Variants in CTDSPL2 observed in about 807,000 individuals in gnomAD.
CTDSPL2 encodes CTD small phosphatase like 2, also known as CTD small phosphatase-like protein 2.
Under a neutral mutation model 60.0 loss-of-function variants are expected in CTDSPL2, and 5 were observed. The ratio of observed to expected loss-of-function variants is 0.08; its 90% confidence interval spans 0.04 to 0.18. CTDSPL2 has a LOEUF of 0.18. Among genes scored for constraint, CTDSPL2 ranks in the 10% least tolerant of loss-of-function variants. The pLI, the probability that CTDSPL2 is intolerant of heterozygous loss-of-function variation, is 1.00. For synonymous variants in CTDSPL2, 186 were observed against 189.3 expected, an observed-to-expected ratio of 0.98 and a Z score of 0.14; for missense variants, 370 against 548.8, an observed-to-expected ratio of 0.67 and a Z score of 3.26.
At chr15:44,442,884 G>A (rs1451238148) in intron 1 of CTDSPL2, among the ~76,000 whole-genome samples, 3 of 152,064 alleles carry the variant, frequency 2.0e-5, no homozygotes, top group East Asian at 3.9e-4. Context: ...GCTGAGGTGC[G>A]AAGATCGCTT....
intron 2 of CTDSPL2, among the ~76,000 whole-genome samples, chr15:44,470,160 C>CT (rs1313047866): frequency 6.8e-6 from 1 of 146,808 alleles, no homozygotes; most frequent in Non-Finnish European, 1.5e-5. Flanking sequence ...TTTTCATGTA[C>CT]TTGTTTTATT....
chr15:44,521,830 C>G (rs1256485232), intron 12 of CTDSPL2, among the ~76,000 whole-genome samples: 1 of 141,030 alleles, frequency 7.1e-6, no homozygotes, highest in African/African-American at 2.6e-5. Flanking sequence ...CCCAGCTACT[C>G]GGGAGGCTGA....
chr15:44,484,477 G>A, intron 3 of CTDSPL2, 115 bp downstream of exon 3: 3 of 982,932 alleles, frequency 3.1e-6, no homozygotes, highest in Non-Finnish European at 4.5e-6. Flanking sequence ...GCTCATGCCT[G>A]TAATCCTCAC....
At chr15:44,435,663 G>C (rs930037227) in intron 1 of CTDSPL2, among the ~76,000 whole-genome samples, 3 of 145,442 alleles carry the variant, frequency 2.1e-5, no homozygotes, top group African/African-American at 7.6e-5. Flanking sequence ...CTGGAGCGCA[G>C]TGGCGCAATC....
At chr15:44,510,021 C>G (rs1314929505) in intron 8 of CTDSPL2, among the ~76,000 whole-genome samples, 1 of 151,332 alleles carries the variant, frequency 6.6e-6, no homozygotes, top group Non-Finnish European at 1.5e-5. Flanking sequence ...GAGTCTCACT[C>G]TGTTGCCCAG....
At chr15:44,504,464 C>T (rs1323229506) in intron 8 of CTDSPL2, among the ~76,000 whole-genome samples, 1 of 152,148 alleles carries the variant, frequency 6.6e-6, no homozygotes, top group Non-Finnish European at 1.5e-5. Flanking sequence ...AGAAACCAAT[C>T]ATTTAAATTT....
In CTDSPL2 at chr15:44,525,635, CAATT is replaced by C. The variant is rs780317481; in HGVS notation, c.*1466_*1469del. ...GACAACTGATAATTGAGGAGTATGTCAATTAATTTTTTATGTATATTACCTGTTT... is the reference window on the plus strand; with the variant it reads ...GACAACTGATAATTGAGGAGTATGTCAATTTTTTATGTATATTACCTGTTT... On this transcript the variant is annotated 3_prime_UTR_variant, in exon 13 of 13. Transcript: ENST00000260327. 2.8e-4 allele frequency: 111 copies of C among 396,012 alleles called. 1 individual carries two copies. The highest frequency in any genetic ancestry group is 4.5e-4 in the Non-Finnish European group (102 of 224,498). 24.5% of individuals were successfully genotyped at this position (396,012 alleles called of 1,614,324 possible). A position where few individuals can be genotyped will look rare whatever the true frequency, so the allele number is the denominator to read the frequency against.
In CTDSPL2 at chr15:44,484,270, T is replaced by C. The variant is rs1044798616; in HGVS notation, c.233T>C (p.Ile78Thr). 5 of 1,611,606 alleles carry C rather than the reference T, an allele frequency of 3.1e-6. No individual in the cohort carries two copies. Among genetic ancestry groups the C allele is most frequent in the African/African-American group, 1.3e-5 (1 of 74,906 alleles). Residue 78 changes from isoleucine to threonine, a missense_variant, in exon 3 of 13, where the codon ATA becomes ACA. Physicochemically the swap from Ile to Thr is moderately conservative, Grantham distance 89. Transcript: ENST00000260327. Reference protein sequence around the residue: ...PSKRSRIERDIDNNLITSTPR... With the variant: ...PSKRSRIERDTDNNLITSTPR... ...AAACGGAGTAGAATTGAACGTGATA[T>C]AGATAACAATTTGATCACGTCAACA...
rs908152217 is a variant in CTDSPL2 at position 44,504,326 on chromosome 15, G to A, written c.969+4513G>A. On this transcript the variant is annotated intron_variant, in intron 8 of 12. Transcript: ENST00000260327. ...GATTGCGCCACTGCACTCCAGCCTG[G>A]GCGACAAAGCGAGTCTCCATCTCAA... is the stretch of plus-strand genomic sequence containing the variant. Among the ~76,000 whole-genome samples the A allele has an allele frequency of 2.0e-5, 3 of 152,222 alleles. No individual in the cohort carries two copies. In the East Asian group the frequency reaches 5.8e-4, roughly 29 times the overall value.
At chr15:44,484,194 AGT>A in intron 2 of CTDSPL2, 28 bp from the exon 3 acceptor site, 1 of 1,570,450 alleles carries the variant, frequency 6.4e-7, no homozygotes, top group South Asian at 1.2e-5. Flanking sequence ...GATTGTGCTT[AGT>A]GTGTTTTTTT....
rs142870504 is a variant in CTDSPL2 at position 44,435,443 on chromosome 15, G to A, written c.-25+7671G>A. The stretch of plus-strand genomic sequence containing the variant: ...AAATTAGGCGGGCATGGTAGCGCAT[G>A]CCTGTAATCCCAGCTACTCGGGAGG... On this transcript the variant is annotated intron_variant, in intron 1 of 12. Transcript: ENST00000260327. Among the ~76,000 whole-genome samples, 664 of 151,560 alleles carry A rather than the reference G, an allele frequency of 4.4e-3. 4 individuals carry two copies. Among genetic ancestry groups the A allele is most frequent in the African/African-American group, 0.015 (633 of 41,384 alleles).
intron 2 of CTDSPL2, among the ~76,000 whole-genome samples, chr15:44,465,638 G>T (rs1043543346): frequency 2.0e-5 from 3 of 151,182 alleles, no homozygotes; most frequent in African/African-American, 4.9e-5. Flanking sequence ...ATGATTAGAT[G>T]AACATTTTTG....
At chr15:44,508,955 G>C (rs888457060) in intron 8 of CTDSPL2, among the ~76,000 whole-genome samples, 5 of 151,946 alleles carry the variant, frequency 3.3e-5, no homozygotes, top group African/African-American at 1.2e-4. Context: ...ATATTATCTG[G>C]GCCTAAAAAT....
intron 1 of CTDSPL2, among the ~76,000 whole-genome samples, chr15:44,443,131 CATTCACCT>C (rs2080126667): frequency 6.6e-6 from 1 of 152,184 alleles, no homozygotes; most frequent in South Asian, 2.1e-4. Context: ...GTATTAAGTA[CATTCACCT>C]TGTTGTCTAC....
intron 4 of CTDSPL2, among the ~76,000 whole-genome samples, chr15:44,488,707 T>C (rs768672388): frequency 6.6e-6 from 1 of 152,076 alleles, no homozygotes; most frequent in Non-Finnish European, 1.5e-5. Flanking sequence ...TAATCCCAGC[T>C]ACTCAAGAGG....
chr15:44,511,867 CAAAAAAAAA>C (rs68063380), intron 8 of CTDSPL2, among the ~76,000 whole-genome samples: 15 of 30,624 alleles, frequency 4.9e-4, no homozygotes, highest in Non-Finnish European at 8.8e-4. Context: ...GACGGTCTCG[CAAAAAAAAA>C]AAAAAAAAAA....
intron 8 of CTDSPL2, among the ~76,000 whole-genome samples, chr15:44,508,445 A>G (rs1567100157): frequency 6.6e-6 from 1 of 152,030 alleles, no homozygotes; most frequent in Non-Finnish European, 1.5e-5. Context: ...TACTGTTTTA[A>G]TTCTTCTTGC....
At chr15:44,444,238 A>G (rs1595700185) in intron 1 of CTDSPL2, among the ~76,000 whole-genome samples, 1 of 147,820 alleles carries the variant, frequency 6.8e-6, no homozygotes, top group East Asian at 2.0e-4. Flanking sequence ...TCTTTTTGTT[A>G]TGTGTGTTTT....
At chr15:44,506,176 C>T (rs763076803) in intron 8 of CTDSPL2, among the ~76,000 whole-genome samples, 3 of 151,386 alleles carry the variant, frequency 2.0e-5, no homozygotes, top group Admixed American at 6.6e-5. Flanking sequence ...ATTATAGGCA[C>T]GTGCTACTGA....
Sources: gnomAD v4.1 joint callset for allele counts (sites outside exome capture counted in the v4.1 genomes callset) on GRCh38, gnomAD v4.1.1 for gene constraint, MANE v1.5 for transcripts, NCBI Gene and HGNC (gene_info 2026-07-23, HGNC 2026-07-21) for gene names.